The following ATP6V0A4 variants were observed in gnomAD, a reference collection of about 807,000 sequenced individuals.
ATP6V0A4 encodes ATPase H+ transporting V0 subunit a4.
A neutral mutation model predicts 107.3 loss-of-function variants in ATP6V0A4; 86 were observed. The ratio of observed to expected loss-of-function variants is 0.80; its 90% CI spans 0.67 to 0.96. The LOEUF (loss-of-function observed/expected upper bound fraction) is 0.96, where lower values mean the gene tolerates loss of function less well. ATP6V0A4 is among the 40% of genes least tolerant of loss of function. The pLI is 0.00. For missense variants in ATP6V0A4, 908 were observed against 1,045.6 expected, an observed-to-expected ratio of 0.87 and a Z score of 1.81; for synonymous variants, 353 against 381.4, an observed-to-expected ratio of 0.93 and a Z score of 0.87.
At chr7:138,711,219 G>A (rs1303893013) in intron 20 of ATP6V0A4, among the ~76,000 whole-genome samples, 4 of 152,136 alleles carry the variant, frequency 2.6e-5, no homozygotes, top group African/African-American at 4.8e-5. Flanking sequence ...AAGGCCCTGA[G>A]GGGAGTGAAA....
intron 19 of ATP6V0A4, among the ~76,000 whole-genome samples, chr7:138,716,170 G>A (rs1200803586): frequency 6.6e-6 from 1 of 152,202 alleles, no homozygotes; most frequent in Non-Finnish European, 1.5e-5. Flanking sequence ...GTAGGAATGT[G>A]ACTTGAAGGA....
intron 7 of ATP6V0A4, among the ~76,000 whole-genome samples, chr7:138,760,443 T>TAAA (rs1806747192): frequency 2.2e-5 from 1 of 46,470 alleles, no homozygotes; most frequent in South Asian, 7.0e-4. Flanking sequence ...AAACTCTGTC[T>TAAA]CAAAAAAAAA....
At chr7:138,740,763 G>A (rs1315457985) in intron 14 of ATP6V0A4, among the ~76,000 whole-genome samples, 1 of 151,846 alleles carries the variant, frequency 6.6e-6, no homozygotes, top group Non-Finnish European at 1.5e-5. Context: ...CTCTGTCTCT[G>A]CAAGCCTTAA....
intron 5 of ATP6V0A4, among the ~76,000 whole-genome samples, chr7:138,766,425 C>G (rs1327013860): frequency 6.6e-6 from 1 of 151,924 alleles, no homozygotes; most frequent in Non-Finnish European, 1.5e-5. Context: ...AGGCTGGTCT[C>G]GAACTCCTGA....
At chr7:138,764,048 T>C (rs1806966800) in intron 5 of ATP6V0A4, among the ~76,000 whole-genome samples, 1 of 150,232 alleles carries the variant, frequency 6.7e-6, no homozygotes, top group Non-Finnish European at 1.5e-5. Flanking sequence ...ATAATATATA[T>C]GAAATTGATG....
chr7:138,780,412 C>T (rs1180451518), intron 2 of ATP6V0A4, among the ~76,000 whole-genome samples: 1 of 152,118 alleles, frequency 6.6e-6, no homozygotes, highest in Non-Finnish European at 1.5e-5. Context: ...TGCCTACTCC[C>T]CTCCAGCTAT....
chr7:138,767,298 G>A (rs867882199), intron 5 of ATP6V0A4, among the ~76,000 whole-genome samples: 1 of 152,166 alleles, frequency 6.6e-6, no homozygotes, highest in South Asian at 2.1e-4. Context: ...CAAGGTGGGC[G>A]GATCACCTGA....
chr7:138,739,699 C>T (rs918518267), intron 14 of ATP6V0A4, 66 bp from the exon 15 acceptor site: 2 of 1,592,000 alleles, frequency 1.3e-6, no homozygotes, highest in Non-Finnish European at 8.5e-7. Context: ...ACTATAATAC[C>T]ACCAGTCACG....
intron 21 of ATP6V0A4, among the ~76,000 whole-genome samples, chr7:138,707,008 G>A (rs1584880128): frequency 1.5e-5 from 2 of 134,868 alleles, no homozygotes; most frequent in East Asian, 4.3e-4. Context: ...AGATTCTCCT[G>A]TCTCAGCCTC....
chr7:138,767,133 A>T (rs1173165172), intron 5 of ATP6V0A4, among the ~76,000 whole-genome samples: 1 of 152,262 alleles, frequency 6.6e-6, no homozygotes, highest in Non-Finnish European at 1.5e-5. Context: ...CACTTAAAAA[A>T]TGTTACCATG....
At chr7:138,763,966 C>CAAAA (rs1403231996) in intron 5 of ATP6V0A4, among the ~76,000 whole-genome samples, 8 of 128,178 alleles carry the variant, frequency 6.2e-5, no homozygotes, top group South Asian at 2.6e-4. Context: ...GACTCTGTCT[C>CAAAA]AAAAAAAAAA....
chr7:138,756,568 AAG>A, intron 8 of ATP6V0A4, 28 bp from the exon 9 acceptor site: 1 of 1,600,818 alleles, frequency 6.2e-7, no homozygotes. Flanking sequence ...GTTAAAAAAA[AAG>A]GGGGGGGTTT....
chr7:138,794,134 G>A (rs767040748), intron 1 of ATP6V0A4, among the ~76,000 whole-genome samples: 5 of 151,916 alleles, frequency 3.3e-5, no homozygotes, highest in African/African-American at 4.8e-5. Context: ...TAGATGTTTC[G>A]GTCCCACAAC....
intron 15 of ATP6V0A4, among the ~76,000 whole-genome samples, chr7:138,734,801 A>T (rs1454740324): frequency 7.0e-6 from 1 of 142,500 alleles, no homozygotes; most frequent in Non-Finnish European, 1.5e-5. Context: ...AAAAAAAAAG[A>T]GGAAAGCTAA....
chr7:138,797,934 T>C, intron 1 of ATP6V0A4, 100 bp downstream of exon 1: 1 of 1,518,634 alleles, frequency 6.6e-7, no homozygotes, highest in Non-Finnish European at 8.8e-7. Context: ...ACAGGCCAAG[T>C]TTCCTTTGCT....
chr7:138,752,612 A>G lies in ATP6V0A4; in HGVS notation c.1029+13T>C, dbSNP rs369682799. On this transcript the variant is annotated intron_variant, in intron 11 of 21. Transcript: ENST00000310018. ...GACTCATCGGACCCCTCCTGGCTCC[A>G]CCTGCCACGCACCATGCCTTGCTCC... is the stretch of plus-strand genomic sequence containing the variant. 4.5e-5 allele frequency: 73 copies of G among 1,612,350 alleles called. No homozygotes were observed. Among genetic ancestry groups the G allele is most frequent in the Admixed American group, 1.3e-4 (8 of 59,958 alleles).
At chr7:138,784,567 C>T (rs1808097555) in intron 2 of ATP6V0A4, among the ~76,000 whole-genome samples, 1 of 151,956 alleles carries the variant, frequency 6.6e-6, no homozygotes. Context: ...ATCCACCCTC[C>T]TCAGCCTCCC....
At chr7:138,796,470 A>C (rs1016939885) in intron 1 of ATP6V0A4, among the ~76,000 whole-genome samples, 8 of 152,166 alleles carry the variant, frequency 5.3e-5, no homozygotes, top group Non-Finnish European at 1.0e-4. Flanking sequence ...GTCTTTCCAC[A>C]GAGCTGGAGT....
chr7:138,733,118 C>T (rs1805110985), intron 16 of ATP6V0A4, 25 bp from the exon 17 acceptor site: 4 of 1,613,574 alleles, frequency 2.5e-6, no homozygotes, highest in Non-Finnish European at 2.5e-6. Context: ...CACACACATA[C>T]ACAAGATAGA....
Sources: allele counts gnomAD v4.1 joint callset (sites outside exome capture counted in the v4.1 genomes callset), GRCh38; gene constraint gnomAD v4.1.1; transcripts MANE v1.5; gene names NCBI Gene and HGNC (gene_info 2026-07-23, HGNC 2026-07-21).